ZNF85: variants seen among roughly 807,000 people sequenced by gnomAD.
ZNF85 encodes the protein zinc finger protein 85 (HPF4, HTF1).
In ZNF85, 50 loss-of-function variants were observed where a neutral mutation model predicts 53.9. That is an observed-to-expected ratio of 0.93 (90% CI 0.74 to 1.17). ZNF85 has a LOEUF of 1.17. Among genes scored for constraint, ZNF85 ranks in the 50% most tolerant of loss-of-function variants. The pLI, the probability that ZNF85 is intolerant of heterozygous loss-of-function variation, is 0.00. For missense variants in ZNF85, 747 were observed against 688.5 expected (o/e 1.08, Z -0.95); for synonymous variants, 225 against 226.1 (o/e 1.00, Z 0.04).
At position 20,949,808 on chromosome 19, in the gene ZNF85, GA is replaced by G. The variant is rs1412329660; in HGVS notation, c.1299del (p.Ala434LeufsTer69). ...GEKPYKCKEC[E>X]KAFNQSSKLT... ...GAAGCCTTACAAATGTAAAGAATGT[GA>G]AAAAGCTTTTAACCAATCCTCAAAA... On this transcript the variant is annotated frameshift_variant, in exon 4 of 4. Transcript: ENST00000328178. LOFTEE classifies it high-confidence loss of function. 5 of 1,612,018 alleles carry G rather than the reference GA, an allele frequency of 3.1e-6. No individual in the cohort carries two copies. The highest frequency in any genetic ancestry group is 1.3e-5 in the African/African-American group (1 of 74,908).
chr19:20,924,985 C>T (rs1460994317), intron 1 of ZNF85, among the ~76,000 whole-genome samples: 1 of 152,126 alleles, frequency 6.6e-6, no homozygotes, highest in Non-Finnish European at 1.5e-5. Context: ...AGGATGCCCA[C>T]CATTGTGGCT....
intron 1 of ZNF85, among the ~76,000 whole-genome samples, chr19:20,925,149 CCTT>C (rs2144594617): frequency 6.6e-6 from 1 of 152,204 alleles, no homozygotes; most frequent in African/African-American, 2.4e-5. Context: ...AAAGCTAACT[CCTT>C]GAGACATTAA....
At chr19:20,926,042 G>T (rs2144597317) in intron 1 of ZNF85, among the ~76,000 whole-genome samples, 2 of 152,210 alleles carry the variant, frequency 1.3e-5, no homozygotes, top group Middle Eastern at 6.8e-3. Flanking sequence ...TGTGCTTATG[G>T]CTGGGTGATT....
intron 1 of ZNF85, among the ~76,000 whole-genome samples, chr19:20,929,102 CTT>C (rs892287984): frequency 4.9e-5 from 7 of 142,788 alleles, no homozygotes; most frequent in Non-Finnish European, 3.1e-5. Flanking sequence ...TTAGCTCTTA[CTT>C]TTTTTTTTTT....
chr19:20,931,171 A>G (rs1296274289), intron 1 of ZNF85, among the ~76,000 whole-genome samples: 3 of 152,128 alleles, frequency 2.0e-5, no homozygotes, highest in South Asian at 2.1e-4. Flanking sequence ...TCTAATGCCA[A>G]TAATGAGCCC....
At chr19:20,936,316 A>G (rs190181706) in intron 3 of ZNF85, among the ~76,000 whole-genome samples, 2 of 152,356 alleles carry the variant, frequency 1.3e-5, no homozygotes, top group South Asian at 2.1e-4. Context: ...CTTCTGCCAC[A>G]TACTTCCAGT....
At chr19:20,945,542 T>C (rs1973398558) in intron 3 of ZNF85, 1 of 152,330 alleles carries the variant, frequency 6.6e-6, no homozygotes, top group Admixed American at 6.5e-5. Context: ...CAGAGTGCAA[T>C]GGCGCGATCT....
At position 20,950,091 on chromosome 19, in the gene ZNF85, C is replaced by A. The variant is rs151233951; in HGVS notation, c.1577C>A (p.Thr526Asn). ...GKAFNQSSKLTKHKKIHTGEK... is the reference protein window; with the variant it reads ...GKAFNQSSKLNKHKKIHTGEK... ...GCTTTTAACCAATCCTCAAAACTTA[C>A]CAAACATAAGAAAATTCATACTGGA... Residue 526 changes from threonine to asparagine, a missense_variant, in exon 4 of 4, where the codon ACC becomes AAC. Coordinates refer to ENST00000328178, the MANE Select transcript of ZNF85 (RefSeq NM_003429.5). 1.0e-3 allele frequency: 1,681 copies of A among 1,613,198 alleles called. 17 individuals are homozygous for A. The African/African-American group carries it at 0.02, about 19-fold the overall frequency.
rs976055525 is a variant in ZNF85, at chr19:20,950,131, A to T, written c.1617A>T (p.Thr539=). 1 of 1,613,118 alleles carries T rather than the reference A, an allele frequency of 6.2e-7. No homozygotes were observed. Among genetic ancestry groups the T allele is most frequent in the African/African-American group, 1.3e-5 (1 of 74,922 alleles). ...TTCATACTGGAGAGAAACCCTACAC[A>T]TGTGAAGAATGTGGCAAAGCCTTTA... ...KKIHTGEKPY[T]CEECGKAFNQ... is the part of the protein sequence containing the mutation. The change falls in exon 4 of 4, where the codon ACA becomes ACT. Residue 539 remains threonine (T), a synonymous_variant. Transcript: ENST00000328178.
intron 1 of ZNF85, among the ~76,000 whole-genome samples, chr19:20,929,475 C>A (rs1202226857): frequency 7.9e-5 from 12 of 152,098 alleles, no homozygotes; most frequent in Admixed American, 6.5e-5. Flanking sequence ...TGAGCCACTG[C>A]ACCCAGCCTA....
In ZNF85 at chr19:20,949,973, T is replaced by A. The variant is rs575704853; in HGVS notation, c.1459T>A (p.Cys487Ser). ...TEEKPYKCEE[C>S]GKGFKWPSTL... is the part of the protein sequence containing the mutation. ...AGAGAAACCTTACAAATGTGAAGAA[T>A]GTGGCAAAGGTTTTAAATGGCCCTC... The change falls in exon 4 of 4, where the codon TGT (cysteine) becomes AGT (serine). Residue 487 changes from cysteine (C) to serine (S), a missense_variant. Coordinates refer to ENST00000328178, the MANE Select transcript of ZNF85 (RefSeq NM_003429.5). 5 of 1,611,244 alleles carry A rather than the reference T, an allele frequency of 3.1e-6. No individual in the cohort carries two copies. The African/African-American group carries it at 4.0e-5, about 13-fold the overall frequency.
chr19:20,924,175 G>C (rs2144591788), intron 1 of ZNF85, among the ~76,000 whole-genome samples: 1 of 152,146 alleles, frequency 6.6e-6, no homozygotes, highest in Non-Finnish European at 1.5e-5. Flanking sequence ...ACTCAGCTAT[G>C]GTTTGTAGTT....
chr19:20,945,920 T>A (rs1392899748), intron 3 of ZNF85, among the ~76,000 whole-genome samples: 1 of 152,262 alleles, frequency 6.6e-6, no homozygotes, highest in African/African-American at 2.4e-5. Context: ...TTATATGACA[T>A]GTACATTACG....
intron 1 of ZNF85, among the ~76,000 whole-genome samples, chr19:20,926,471 GTGTT>G (rs1972882482): frequency 6.6e-6 from 1 of 151,988 alleles, no homozygotes; most frequent in African/African-American, 2.4e-5. Flanking sequence ...TATGAACACT[GTGTT>G]TGAGTGATTT....
At chr19:20,924,948 G>T (rs1355882209) in intron 1 of ZNF85, among the ~76,000 whole-genome samples, 2 of 152,110 alleles carry the variant, frequency 1.3e-5, no homozygotes, top group East Asian at 1.9e-4. Context: ...CTGGTCCTGG[G>T]TTTTCAGTAC....
intron 3 of ZNF85, among the ~76,000 whole-genome samples, chr19:20,947,782 ACCT>A (rs900733591): frequency 6.7e-6 from 1 of 150,106 alleles, no homozygotes; most frequent in Non-Finnish European, 1.5e-5. Flanking sequence ...TGTATTTTTC[ACCT>A]CCACAATTTC....
At chr19:20,932,442 A>G (rs1489670768) in intron 1 of ZNF85, among the ~76,000 whole-genome samples, 1 of 152,192 alleles carries the variant, frequency 6.6e-6, no homozygotes, top group Non-Finnish European at 1.5e-5. Context: ...GGCTTTTTAT[A>G]TGCCATGCAG....
At chr19:20,931,620 C>CTTTTTTTTTTTTTTTTTTT (rs1156835317) in intron 1 of ZNF85, among the ~76,000 whole-genome samples, 23 of 119,464 alleles carry the variant, frequency 1.9e-4, no homozygotes, top group Middle Eastern at 4.1e-3. Context: ...TTTTCTTTTT[C>CTTTTTTTTTTTTTTTTTTT]TTTTTTTTTT....
chr19:20,941,121 G>A (rs1973285144), intron 3 of ZNF85, among the ~76,000 whole-genome samples: 1 of 152,090 alleles, frequency 6.6e-6, no homozygotes, highest in African/African-American at 2.4e-5. Flanking sequence ...CAGTTAGTAT[G>A]AGTTTTATTT....
Sources: allele counts gnomAD v4.1 joint callset (sites outside exome capture counted in the v4.1 genomes callset), GRCh38; gene constraint gnomAD v4.1.1; transcripts MANE v1.5; gene names NCBI Gene and HGNC (gene_info 2026-07-23, HGNC 2026-07-21).